The following TNIK variants were observed in gnomAD, a reference collection of about 807,000 sequenced individuals.
TNIK encodes TRAF2 and NCK interacting kinase.
Under a neutral mutation model 191.3 loss-of-function variants are expected in TNIK, and 49 were observed. That is an observed-to-expected ratio of 0.26 (90% CI 0.20 to 0.32). The LOEUF (loss-of-function observed/expected upper bound fraction) is 0.32, where lower values mean the gene tolerates loss of function less well. TNIK is among the 10% of genes least tolerant of loss of function. TNIK has a pLI of 1.00. For missense variants in TNIK, 1,155 were observed against 1,702.3 expected (o/e 0.68, Z 5.66); for synonymous variants, 594 against 600.9 (o/e 0.99, Z 0.17).
intron 7 of TNIK, among the ~76,000 whole-genome samples, chr3:171,183,128 T>C (rs2047713): frequency 0.027 from 4,109 of 152,158 alleles, 94 homozygotes; most frequent in South Asian, 0.063. Flanking sequence ...TACTCAGTGG[T>C]GGTCAAAGAG....
Position 171,061,019 on chromosome 3 carries a change from AT to A in TNIK, c.*2861del, listed in dbSNP as rs1222940699. Among the ~76,000 whole-genome samples the A allele has an allele frequency of 1.3e-5, 2 of 151,950 alleles. No individual in the cohort carries two copies. The highest frequency in any genetic ancestry group is 2.4e-5 in the African/African-American group (1 of 41,348). ...ACCTATAAAAAGATCAGAACTGAAG[AT>A]TTTTTTTGTTGAGATGCTATAAAAA... is the stretch of plus-strand genomic sequence containing the variant. On this transcript the variant is annotated 3_prime_UTR_variant, in exon 33 of 33. Transcript: ENST00000436636.
At chr3:171,162,937 C>T (rs1222618050) in intron 10 of TNIK, among the ~76,000 whole-genome samples, 1 of 152,128 alleles carries the variant, frequency 6.6e-6, no homozygotes, top group African/African-American at 2.4e-5. Context: ...CAGCTAGTGC[C>T]ACTGGTCATA....
chr3:171,403,749 T>C (rs1721289150), intron 1 of TNIK, among the ~76,000 whole-genome samples: 1 of 87,298 alleles, frequency 1.1e-5, no homozygotes, highest in Non-Finnish European at 2.4e-5. Flanking sequence ...ATGGAGACAG[T>C]AGAACTAGAA....
intron 1 of TNIK, among the ~76,000 whole-genome samples, chr3:171,414,090 A>G (rs1334905697): frequency 2.6e-5 from 4 of 152,188 alleles, no homozygotes. Flanking sequence ...GACTCGATGA[A>G]TCTTTACCAA....
chr3:171,101,365 T>A, intron 22 of TNIK, 84 bp downstream of exon 22: 1 of 1,460,652 alleles, frequency 6.8e-7, no homozygotes, highest in Non-Finnish European at 9.2e-7. Flanking sequence ...ATATACAATC[T>A]TACATTTAAC....
intron 9 of TNIK, 23 bp from the exon 10 acceptor site, chr3:171,167,293 C>T (rs2108755285): frequency 6.2e-7 from 1 of 1,606,654 alleles, no homozygotes; most frequent in Non-Finnish European, 8.5e-7. Flanking sequence ...AGAAATGAAT[C>T]CACAGATAAA....
chr3:171,341,269 T>G (rs1757479673), intron 2 of TNIK, among the ~76,000 whole-genome samples: 1 of 151,904 alleles, frequency 6.6e-6, no homozygotes, highest in South Asian at 2.1e-4. Context: ...GGTCAGGAGT[T>G]CGAGACCAGA....
At chr3:171,351,858 G>C in intron 2 of TNIK, among the ~76,000 whole-genome samples, 1 of 152,148 alleles carries the variant, frequency 6.6e-6, no homozygotes, top group East Asian at 1.9e-4. Flanking sequence ...CAGTTCCCAG[G>C]AGAACCATTC....
At chr3:171,262,992 T>A (rs1287842098) in intron 2 of TNIK, among the ~76,000 whole-genome samples, 2 of 152,190 alleles carry the variant, frequency 1.3e-5, no homozygotes, top group African/African-American at 4.8e-5. Flanking sequence ...GACATTATCA[T>A]GCCTGTATCT....
chr3:171,364,457 A>T (rs1402629811), intron 2 of TNIK, among the ~76,000 whole-genome samples: 2 of 151,948 alleles, frequency 1.3e-5, no homozygotes, highest in Non-Finnish European at 2.9e-5. Context: ...TGAAAATGCT[A>T]AAAAAAATTT....
At chr3:171,217,781 C>T (rs1426826145) in intron 3 of TNIK, among the ~76,000 whole-genome samples, 8 of 152,050 alleles carry the variant, frequency 5.3e-5, no homozygotes, top group Admixed American at 4.6e-4. Flanking sequence ...TAATTAACCT[C>T]AAGAAACCTA....
At chr3:171,176,683 C>T (rs1031748143) in intron 8 of TNIK, among the ~76,000 whole-genome samples, 1 of 152,296 alleles carries the variant, frequency 6.6e-6, no homozygotes, top group African/African-American at 2.4e-5. Context: ...AGGTCACTGG[C>T]GGGGAGTGGC....
At chr3:171,130,140 C>T (rs1729037804) in intron 15 of TNIK, among the ~76,000 whole-genome samples, 1 of 152,200 alleles carries the variant, frequency 6.6e-6, no homozygotes, top group Non-Finnish European at 1.5e-5. Flanking sequence ...ATTCATTTTA[C>T]TGCCTGATTT....
chr3:171,321,792 G>A (rs1755190647), intron 2 of TNIK, among the ~76,000 whole-genome samples: 2 of 152,142 alleles, frequency 1.3e-5, no homozygotes, highest in Non-Finnish European at 2.9e-5. Context: ...ATATCCCTCA[G>A]AGCCACTATT....
chr3:171,260,087 A>T (rs1367453750), intron 2 of TNIK, among the ~76,000 whole-genome samples: 3 of 152,100 alleles, frequency 2.0e-5, no homozygotes, highest in South Asian at 4.1e-4. Context: ...CTGTTATCTG[A>T]TTATGTTCCT....
intron 2 of TNIK, among the ~76,000 whole-genome samples, chr3:171,355,555 G>A (rs1577606944): frequency 6.6e-6 from 1 of 152,174 alleles, no homozygotes; most frequent in Non-Finnish European, 1.5e-5. Context: ...TCCACCCAAA[G>A]AAGAGGACAC....
intron 2 of TNIK, among the ~76,000 whole-genome samples, chr3:171,243,735 A>C (rs1165679823): frequency 1.3e-5 from 2 of 152,224 alleles, no homozygotes; most frequent in African/African-American, 2.4e-5. Context: ...TTATAAAAAT[A>C]TGTATTTTTA....
intron 2 of TNIK, among the ~76,000 whole-genome samples, chr3:171,276,332 T>G (rs1286608060): frequency 6.6e-6 from 1 of 152,146 alleles, no homozygotes; most frequent in African/African-American, 2.4e-5. Context: ...AGGAGGAACT[T>G]CCAGAGTGAC....
At chr3:171,335,975 G>T (rs976154023) in intron 2 of TNIK, among the ~76,000 whole-genome samples, 1 of 152,118 alleles carries the variant, frequency 6.6e-6, no homozygotes, top group Admixed American at 6.5e-5. Flanking sequence ...CATACAGTGC[G>T]TAGTGTATCT....
Sources: allele counts gnomAD v4.1 joint callset (sites outside exome capture counted in the v4.1 genomes callset), GRCh38; gene constraint gnomAD v4.1.1; transcripts MANE v1.5; gene names NCBI Gene and HGNC (gene_info 2026-07-23, HGNC 2026-07-21).